Variants in HERC4 observed in about 807,000 individuals in gnomAD.
HERC4 encodes HECT and RLD domain containing E3 ubiquitin protein ligase 4.
A neutral mutation model predicts 124.3 loss-of-function variants in HERC4; 28 were observed. The observed-to-expected ratio is 0.23, with a 90% CI of 0.17 to 0.31. HERC4 has a LOEUF of 0.31. Ranked by LOEUF, HERC4 falls within the 10% of genes least tolerant of loss-of-function variation. The pLI, the probability that HERC4 is intolerant of heterozygous loss-of-function variation, is 1.00. For synonymous variants in HERC4, 407 were observed against 421.5 expected, an observed-to-expected ratio of 0.97 and a Z score of 0.42; for missense variants, 713 against 1,229.3, an observed-to-expected ratio of 0.58 and a Z score of 6.28.
intron 24 of HERC4, among the ~76,000 whole-genome samples, chr10:67,923,873 A>G (rs2030542616): frequency 6.6e-6 from 1 of 152,152 alleles, no homozygotes; most frequent in Admixed American, 6.5e-5. Flanking sequence ...ATCAAAGGAA[A>G]TGTCACCGAT....
At chr10:68,044,697 T>G in intron 3 of HERC4, 134 bp from the exon 4 acceptor site, 1 of 741,932 alleles carries the variant, frequency 1.3e-6, no homozygotes, top group East Asian at 2.7e-5. Flanking sequence ...AAGAAATGCT[T>G]AAACACACAC....
chr10:68,068,060 T>C (rs1197975480), intron 3 of HERC4: 2 of 152,160 alleles, frequency 1.3e-5, no homozygotes, highest in African/African-American at 2.4e-5. Context: ...TTTAAAGATT[T>C]TTCTTGGCTG....
intron 15 of HERC4, among the ~76,000 whole-genome samples, chr10:67,976,788 CCT>C (rs1023338560): frequency 1.3e-5 from 2 of 152,122 alleles, no homozygotes; most frequent in Non-Finnish European, 2.9e-5. Flanking sequence ...TCAGCACTGC[CCT>C]GTTACAGCAA....
chr10:68,059,827 ATAT>A (rs1276839332), intron 3 of HERC4, among the ~76,000 whole-genome samples: 765 of 60,388 alleles, frequency 0.013, 109 homozygotes, highest in African/African-American at 0.075. Context: ...ATATATCATA[ATAT>A]TATATATTAT....
chr10:67,942,916 G>A (rs2033035532), intron 19 of HERC4, among the ~76,000 whole-genome samples: 1 of 152,116 alleles, frequency 6.6e-6, no homozygotes, highest in Non-Finnish European at 1.5e-5. Flanking sequence ...TTTCTTTTGA[G>A]TTTAAAATGA....
intron 15 of HERC4, among the ~76,000 whole-genome samples, chr10:67,983,776 G>T (rs1228994098): frequency 1.8e-5 from 2 of 111,900 alleles, no homozygotes; most frequent in Admixed American, 2.3e-4. Flanking sequence ...AACAGAGGAA[G>T]ACTCTGTCTC....
chr10:68,046,846 C>T (rs2040037031), intron 3 of HERC4, among the ~76,000 whole-genome samples: 1 of 152,138 alleles, frequency 6.6e-6, no homozygotes, highest in East Asian at 1.9e-4. Context: ...TGGCACACAT[C>T]TGTGGGGAGA....
intron 8 of HERC4, among the ~76,000 whole-genome samples, chr10:68,014,488 T>A (rs1425314235): frequency 1.3e-5 from 2 of 152,124 alleles, no homozygotes; most frequent in Non-Finnish European, 2.9e-5. Context: ...CAGAGTAGCA[T>A]CTACCTATGC....
intron 9 of HERC4, chr10:67,996,119 A>T (rs1212268236): frequency 2.2e-6 from 1 of 449,590 alleles, no homozygotes; most frequent in Non-Finnish European, 4.5e-6. Flanking sequence ...CAGCCTGGAC[A>T]ACATGGCAAG....
At chr10:68,025,814 G>A in intron 7 of HERC4, 138 bp from the exon 8 acceptor site, 3 of 710,512 alleles carry the variant, frequency 4.2e-6, no homozygotes. Flanking sequence ...TTAACAGACA[G>A]ATGGCTCTTT....
chr10:67,983,589 C>G lies in HERC4; in HGVS notation c.1806+5074G>C, dbSNP rs138771419. On this transcript the variant is annotated intron_variant, in intron 15 of 24. Transcript: ENST00000373700. ...GGTCAGGAGATAGAGACCATCCTGG[C>G]TAACACGGTGAAACCCCGTCTCTAC... 6.4e-3 allele frequency among the ~76,000 whole-genome samples: 966 copies of G among 151,924 alleles called. 11 individuals are homozygous for G. Among genetic ancestry groups the G allele is most frequent in the African/African-American group, 0.022 (916 of 41,428 alleles).
At chr10:67,955,297 A>T in intron 17 of HERC4, 167 bp from the exon 18 acceptor site, 1 of 560,688 alleles carries the variant, frequency 1.8e-6, no homozygotes, top group Non-Finnish European at 3.0e-6. Context: ...TAATAAACTG[A>T]GCATAAAGAG....
intron 3 of HERC4, among the ~76,000 whole-genome samples, chr10:68,049,633 C>G (rs554628218): frequency 2.3e-5 from 3 of 128,886 alleles, no homozygotes; most frequent in Non-Finnish European, 3.2e-5. Context: ...AACTAACAAA[C>G]GAACAGGCAC....
intron 4 of HERC4, among the ~76,000 whole-genome samples, chr10:68,038,813 T>C (rs2039611031): frequency 6.6e-6 from 1 of 152,194 alleles, no homozygotes; most frequent in Non-Finnish European, 1.5e-5. Flanking sequence ...ATTTTGTCCT[T>C]ATACTTTCGT....
chr10:68,070,246 G>C (rs769036704), intron 3 of HERC4: 1 of 976,608 alleles, frequency 1.0e-6, no homozygotes, highest in Non-Finnish European at 1.2e-6. Flanking sequence ...AATCATTAAC[G>C]AATTATTCCA....
intron 5 of HERC4, among the ~76,000 whole-genome samples, chr10:68,034,719 C>G (rs2039369011): frequency 6.6e-6 from 1 of 152,140 alleles, no homozygotes; most frequent in Non-Finnish European, 1.5e-5. Flanking sequence ...ATCCTACTTC[C>G]CTGGACCTCT....
intron 7 of HERC4, among the ~76,000 whole-genome samples, chr10:68,027,938 T>C (rs1303816537): frequency 2.7e-5 from 4 of 147,228 alleles, no homozygotes; most frequent in Non-Finnish European, 6.0e-5. Flanking sequence ...AGAAAAAAAT[T>C]ATATATATAT....
At chr10:67,945,915 A>C (rs1390944049) in intron 19 of HERC4, among the ~76,000 whole-genome samples, 1 of 152,032 alleles carries the variant, frequency 6.6e-6, no homozygotes, top group Non-Finnish European at 1.5e-5. Context: ...GGAAGGAAGG[A>C]AGGAAGGAAG....
chr10:68,023,599 A>C (rs2038755383), intron 8 of HERC4, among the ~76,000 whole-genome samples: 1 of 152,176 alleles, frequency 6.6e-6, no homozygotes, highest in Non-Finnish European at 1.5e-5. Flanking sequence ...TCAGTTTTGC[A>C]AGATAAAAAG....
Sources: gnomAD v4.1 joint callset for allele counts (sites outside exome capture counted in the v4.1 genomes callset) on GRCh38, gnomAD v4.1.1 for gene constraint, MANE v1.5 for transcripts, NCBI Gene and HGNC (gene_info 2026-07-23, HGNC 2026-07-21) for gene names.